The following BLTP3B variants were observed in gnomAD, a reference collection of about 807,000 sequenced individuals.
BLTP3B encodes UHRF1 (ICBP90) binding protein 1-like.
the BLTP3B span, among the ~76,000 whole-genome samples, chr12:100,116,944 C>T: frequency 5.9e-5 from 9 of 151,812 alleles, no homozygotes; most frequent in Non-Finnish European, 1.2e-4. Flanking sequence ...ACAGAGGAGC[C>T]GTAAGAAAGA....
the BLTP3B span, chr12:100,142,497 A>AGCCGCCAGGC: frequency 7.2e-7 from 1 of 1,392,742 alleles, no homozygotes; most frequent in Non-Finnish European, 9.9e-7. Context: ...CCTCCCGCAC[A>AGCCGCCAGGC]GCCGCCAGGC....
At chr12:100,064,639 T>G in the BLTP3B span, among the ~76,000 whole-genome samples, 1 of 152,022 alleles carries the variant, frequency 6.6e-6, no homozygotes, top group Non-Finnish European at 1.5e-5. Flanking sequence ...ATCTTCAGCT[T>G]CCTCAAACAA....
the BLTP3B span, among the ~76,000 whole-genome samples, chr12:100,113,190 T>G: frequency 7.0e-6 from 1 of 143,122 alleles, no homozygotes; most frequent in Non-Finnish European, 1.5e-5. Context: ...AAGAATCTCA[T>G]CTCGGCCGGG....
the BLTP3B span, among the ~76,000 whole-genome samples, chr12:100,087,306 G>GC: frequency 6.6e-5 from 10 of 152,054 alleles, no homozygotes; most frequent in African/African-American, 2.4e-4. Context: ...AACAAAATGG[G>GC]CAAATCAATC....
the BLTP3B span, chr12:100,059,132 T>C: frequency 1.2e-6 from 2 of 1,614,168 alleles, no homozygotes; most frequent in Non-Finnish European, 1.7e-6. Flanking sequence ...CAAAACTTAT[T>C]GGCCGTCCTT....
chr12:100,098,668 G>T, the BLTP3B span: 1 of 929,450 alleles, frequency 1.1e-6, no homozygotes, highest in Non-Finnish European at 1.5e-6. Flanking sequence ...TTGGGAGGCT[G>T]AGGCAGGCAG....
the BLTP3B span, among the ~76,000 whole-genome samples, chr12:100,115,399 C>CTT: frequency 1.2e-4 from 19 of 152,272 alleles, no homozygotes; most frequent in African/African-American, 4.6e-4. Flanking sequence ...GGGTGAAACT[C>CTT]TGTCTCAAAA....
At chr12:100,113,591 AC>A in the BLTP3B span, among the ~76,000 whole-genome samples, 1 of 152,304 alleles carries the variant, frequency 6.6e-6, no homozygotes, top group African/African-American at 2.4e-5. Flanking sequence ...TTAAGGATTA[AC>A]TCAGAACATG....
the BLTP3B span, among the ~76,000 whole-genome samples, chr12:100,124,969 TA>T: frequency 7.1e-3 from 820 of 115,780 alleles, 16 homozygotes; most frequent in African/African-American, 0.026. Context: ...TATATATATA[TA>T]TATATATATT....
At chr12:100,129,387 T>C in the BLTP3B span, among the ~76,000 whole-genome samples, 1 of 152,234 alleles carries the variant, frequency 6.6e-6, no homozygotes, top group Non-Finnish European at 1.5e-5. Context: ...ATGTATTCTA[T>C]GGAGGCCAAA....
At chr12:100,107,227 G>A in the BLTP3B span, among the ~76,000 whole-genome samples, 2 of 144,356 alleles carry the variant, frequency 1.4e-5, no homozygotes, top group East Asian at 4.1e-4. Flanking sequence ...GGTAGAGGCT[G>A]CAGTGAGCCA....
chr12:100,070,082 T>C, the BLTP3B span: 11 of 1,453,064 alleles, frequency 7.6e-6, no homozygotes, highest in Non-Finnish European at 1.0e-5. Flanking sequence ...TGCTTGAGTT[T>C]CAACTGTGCC....
chr12:100,050,789 G>T, the BLTP3B span, among the ~76,000 whole-genome samples: 1 of 151,952 alleles, frequency 6.6e-6, no homozygotes, highest in Admixed American at 6.6e-5. Flanking sequence ...TCCAGCCTGG[G>T]CAACAGAGTG....
chr12:100,100,442 A>G, the BLTP3B span, among the ~76,000 whole-genome samples: 2 of 152,182 alleles, frequency 1.3e-5, no homozygotes, highest in African/African-American at 4.8e-5. Flanking sequence ...TGGGCACAGT[A>G]GCTCACAGCT....
the BLTP3B span, among the ~76,000 whole-genome samples, chr12:100,065,648 T>G: frequency 2.0e-5 from 3 of 152,166 alleles, no homozygotes; most frequent in Admixed American, 6.5e-5. Flanking sequence ...CCAGTAAATT[T>G]GAGGTCAGAC....
the BLTP3B span, chr12:100,142,506 G>T: frequency 6.8e-7 from 1 of 1,462,536 alleles, no homozygotes; most frequent in South Asian, 1.2e-5. Flanking sequence ...CAGCCGCCAG[G>T]CGCCGCCGCC....
the BLTP3B span, among the ~76,000 whole-genome samples, chr12:100,109,824 G>T: frequency 1.4e-4 from 21 of 151,806 alleles, no homozygotes; most frequent in African/African-American, 5.1e-4. Context: ...ATTTTCCAAG[G>T]GTTTACTGTG....
chr12:100,084,713 T>C, the BLTP3B span: 1 of 1,517,080 alleles, frequency 6.6e-7, no homozygotes, highest in Admixed American at 1.9e-5. Context: ...TCATTTATTA[T>C]ATTATAGTAA....
At chr12:100,073,575 G>A in the BLTP3B span, among the ~76,000 whole-genome samples, 2 of 151,650 alleles carry the variant, frequency 1.3e-5, no homozygotes, top group Admixed American at 6.6e-5. Flanking sequence ...ATATGTATAT[G>A]TGTGTGTATA....
Sources: allele counts gnomAD v4.1 joint callset (sites outside exome capture counted in the v4.1 genomes callset), GRCh38; gene constraint gnomAD v4.1.1; transcripts MANE v1.5; gene names NCBI Gene and HGNC (gene_info 2026-07-23, HGNC 2026-07-21).